DNAJC17: variants seen among roughly 807,000 people sequenced by gnomAD.
DNAJC17 encodes the protein DnaJ heat shock protein family (Hsp40) member C17.
In DNAJC17, 35 loss-of-function variants were observed where a neutral mutation model predicts 48.1. The ratio of observed to expected loss-of-function variants is 0.73; its 90% confidence interval spans 0.56 to 0.96. The LOEUF is 0.96. Ranked by LOEUF, DNAJC17 falls within the 50% of genes least tolerant of loss-of-function variation. The pLI, the probability that DNAJC17 is intolerant of heterozygous loss-of-function variation, is 0.00. For missense variants in DNAJC17, 355 were observed against 377.1 expected, an observed-to-expected ratio of 0.94 and a Z score of 0.48; for synonymous variants, 117 against 142.7, an observed-to-expected ratio of 0.82 and a Z score of 1.28.
chr15:40,767,423 C>T lies in DNAJC17; in HGVS notation c.*517G>A. On this transcript the variant is annotated 3_prime_UTR_variant, in exon 11 of 11. Transcript: ENST00000220496. ...GTGGGCCCTGACCTCCAAGCTCCTG[C>T]CTCACCGTCTGCCTTGCTCCTCTCT... 1 of 1,466,850 alleles carries T rather than the reference C, an allele frequency of 6.8e-7. No individual in the cohort carries two copies. Among genetic ancestry groups the T allele is most frequent in the South Asian group, 1.3e-5 (1 of 75,852 alleles). The allele number at this position is 1,466,850 out of a possible 1,614,324, so 90.9% of individuals were successfully genotyped here.
chr15:40,783,330 G>A (rs781318392), intron 1 of DNAJC17, among the ~76,000 whole-genome samples: 4 of 152,174 alleles, frequency 2.6e-5, no homozygotes, highest in African/African-American at 7.2e-5. Context: ...CACACTGACA[G>A]GAGTCTGTTG....
intron 4 of DNAJC17, among the ~76,000 whole-genome samples, chr15:40,777,345 A>G (rs1392063083): frequency 6.8e-6 from 1 of 147,380 alleles, no homozygotes; most frequent in Non-Finnish European, 1.5e-5. Context: ...ATATAGAAAT[A>G]GATATTGGGA....
chr15:40,790,189 G>A (rs1280968647), intron 1 of DNAJC17, among the ~76,000 whole-genome samples: 4 of 152,150 alleles, frequency 2.6e-5, no homozygotes, highest in East Asian at 1.9e-4. Context: ...ATGGGGCTGC[G>A]AGACTCTCTG....
At chr15:40,787,818 CA>C (rs1165252196) in intron 1 of DNAJC17, among the ~76,000 whole-genome samples, 1 of 151,948 alleles carries the variant, frequency 6.6e-6, no homozygotes. Flanking sequence ...CTGACTCACC[CA>C]AAAAAGCTAA....
chr15:40,779,505 A>C, intron 3 of DNAJC17, 40 bp downstream of exon 3: 1 of 1,613,446 alleles, frequency 6.2e-7, no homozygotes, highest in South Asian at 1.1e-5. Flanking sequence ...AGTGGTCTCT[A>C]ACCATGGGGG....
intron 1 of DNAJC17, among the ~76,000 whole-genome samples, chr15:40,797,711 C>T (rs969233243): frequency 1.6e-4 from 22 of 136,412 alleles, no homozygotes; most frequent in Non-Finnish European, 3.1e-4. Flanking sequence ...CGCACCTGGC[C>T]GATCTCTTTT....
chr15:40,772,496 G>C (rs1596074244), intron 10 of DNAJC17: 1 of 165,844 alleles, frequency 6.0e-6, no homozygotes, highest in Non-Finnish European at 1.5e-5. Flanking sequence ...ACTTGAAGGT[G>C]GGAATGAGGT....
intron 9 of DNAJC17, 154 bp downstream of exon 9, chr15:40,774,202 G>T: frequency 1.2e-6 from 1 of 816,228 alleles, no homozygotes. Context: ...TCTATTTCCA[G>T]GAGTCAGGGG....
Position 40,768,041 on chromosome 15 carries a change from C to T in DNAJC17, c.814G>A (p.Asp272Asn). The change falls in exon 11 of 11, where the codon GAC becomes AAC. Residue 272 changes from aspartate (D) to asparagine (N), a missense_variant. This residue lies in a region of DNAJC17 where 88 missense variants were observed against 67.7 expected (regional missense o/e 1.30). Coordinates refer to ENST00000220496, the MANE Select transcript of DNAJC17 (RefSeq NM_018163.3). ...CGCATCATGACGAGGCTCTCGTAGTCCCTCTCTGACAGCACTGAGCCCTGT... is the reference window on the plus strand; with the variant it reads ...CGCATCATGACGAGGCTCTCGTAGTTCCTCTCTGACAGCACTGAGCCCTGT... ...LSKGSVLSER[D>N]YESLVMMRMR... is the part of the protein sequence containing the mutation. 6.3e-7 allele frequency: 1 copy of T among 1,584,136 alleles called. No individual in the cohort carries two copies. The highest frequency in any genetic ancestry group is 1.2e-5 in the South Asian group (1 of 86,486).
Position 40,788,523 on chromosome 15 carries a change from C to T in DNAJC17, c.79-8526G>A, listed in dbSNP as rs1031893043. 1.1e-4 allele frequency among the ~76,000 whole-genome samples: 17 copies of T among 152,016 alleles called. 1 individual carries two copies. Among genetic ancestry groups the T allele is most frequent in the African/African-American group, 3.1e-4 (13 of 41,368 alleles). ...CATCCTGGCTAACACGGTGAAACCC[C>T]GTCTCTACTAAAAATACAAGAAATT... On this transcript the variant is annotated intron_variant, in intron 1 of 10. Transcript: ENST00000220496.
Position 40,765,724 on chromosome 15 carries a change from C to T in DNAJC17, c.*2216G>A. The T allele has an allele frequency of 1.9e-6, 1 of 531,638 alleles. No individual in the cohort carries two copies. Among genetic ancestry groups the T allele is most frequent in the Non-Finnish European group, 3.4e-6 (1 of 290,184 alleles). 32.9% of individuals were successfully genotyped at this position (531,638 alleles called of 1,614,324 possible). On this transcript the variant is annotated 3_prime_UTR_variant, in exon 11 of 11. Transcript: ENST00000220496. ...TCCTTGCTACTCTCTGTAGCCTTTA[C>T]CTGAACCTTACTCAGGGCTAGCAGG...
intron 10 of DNAJC17, 47 bp from the exon 11 acceptor site, chr15:40,768,109 C>T (rs1741430643): frequency 1.3e-6 from 2 of 1,494,660 alleles, no homozygotes; most frequent in Middle Eastern, 1.9e-4. Flanking sequence ...CAGCAGGGCA[C>T]AGCCTCACAG....
At position 40,770,522 on chromosome 15, in the gene DNAJC17, C is replaced by T. The variant is rs1209325660; in HGVS notation, c.793-2460G>A. ...TGGAGACCTGGCGGAAAGGCTCCTT[C>T]CGCAACGCCTCCTTCTTCAAGCAGC... On this transcript the variant is annotated intron_variant, in intron 10 of 10. Coordinates refer to ENST00000220496, the MANE Select transcript of DNAJC17 (RefSeq NM_018163.3). The surrounding 1 kb of genome is among the most constrained non-coding windows in gnomAD (Gnocchi z 5.0). The T allele has an allele frequency of 3.2e-6, 5 of 1,550,250 alleles. No individual in the cohort carries two copies. Among genetic ancestry groups the T allele is most frequent in the East Asian group, 4.9e-5 (2 of 40,936 alleles).
chr15:40,772,772 C>T (rs1889189257), intron 10 of DNAJC17, among the ~76,000 whole-genome samples: 1 of 152,224 alleles, frequency 6.6e-6, no homozygotes, highest in South Asian at 2.1e-4. Flanking sequence ...TCTGTTCCAC[C>T]AAGGTGGGGA....
At chr15:40,804,746 A>G (rs545431768) in intron 1 of DNAJC17, among the ~76,000 whole-genome samples, 1 of 152,386 alleles carries the variant, frequency 6.6e-6, no homozygotes, top group South Asian at 2.1e-4. Context: ...TCACGCCTGT[A>G]ATCCCAGCAC....
At chr15:40,768,965 G>A (rs904876716) in intron 10 of DNAJC17, among the ~76,000 whole-genome samples, 5 of 152,252 alleles carry the variant, frequency 3.3e-5, no homozygotes, top group Non-Finnish European at 5.9e-5. Flanking sequence ...GCGGTACCCC[G>A]CATGGGGACG....
At chr15:40,788,806 G>T (rs952134808) in intron 1 of DNAJC17, among the ~76,000 whole-genome samples, 4 of 152,232 alleles carry the variant, frequency 2.6e-5, no homozygotes, top group Non-Finnish European at 5.9e-5. Context: ...CCACGAGTTT[G>T]AGGCTGCATG....
chr15:40,771,242 A>G, intron 10 of DNAJC17: 1 of 578,812 alleles, frequency 1.7e-6, no homozygotes, highest in South Asian at 2.3e-5. Context: ...GGACAGAGGC[A>G]ATCTGGAAAT....
chr15:40,807,301 G>C (rs1487519013), intron 1 of DNAJC17, 68 bp downstream of exon 1: 2 of 1,613,332 alleles, frequency 1.2e-6, no homozygotes, highest in Non-Finnish European at 1.7e-6. Context: ...GCCAGCAGTG[G>C]CCGAGGCGCT....
Sources: allele counts gnomAD v4.1 joint callset (sites outside exome capture counted in the v4.1 genomes callset), GRCh38; gene constraint gnomAD v4.1.1; regional missense constraint gnomAD v4.1.1; non-coding constraint Gnocchi (gnomAD v3.1); transcripts MANE v1.5; gene names NCBI Gene and HGNC (gene_info 2026-07-23, HGNC 2026-07-21).